Variants in CUL3 observed in about 807,000 individuals in gnomAD.
CUL3 encodes the protein cullin 3.
A neutral mutation model predicts 89.1 loss-of-function variants in CUL3; 19 were observed. The ratio of observed to expected loss-of-function variants is 0.21; its 90% CI spans 0.15 to 0.31. The LOEUF is 0.31. CUL3 is among the 10% of genes least tolerant of loss of function. The pLI is 1.00. For missense variants in CUL3, 469 were observed against 942.3 expected (o/e 0.50, Z 6.58); for synonymous variants, 351 against 308.4 (o/e 1.14, Z -1.45).
intron 1 of CUL3, among the ~76,000 whole-genome samples, chr2:224,580,334 G>T (rs1397134819): frequency 3.3e-5 from 5 of 152,184 alleles, no homozygotes; most frequent in Non-Finnish European, 7.3e-5. Context: ...TGCAAATTGT[G>T]CATTAAACTG....
At chr2:224,582,559 GAA>G (rs1398582868) in intron 1 of CUL3, among the ~76,000 whole-genome samples, 1 of 152,266 alleles carries the variant, frequency 6.6e-6, no homozygotes, top group South Asian at 2.1e-4. Flanking sequence ...ATTAACTACT[GAA>G]TACCAAAACT....
intron 13 of CUL3, among the ~76,000 whole-genome samples, chr2:224,494,795 T>C (rs191609015): frequency 3.0e-4 from 46 of 152,220 alleles, no homozygotes; most frequent in Admixed American, 2.7e-3. Flanking sequence ...TTACGAACTA[T>C]TGAAAAAATA....
rs1559252986 is a variant in CUL3, at chr2:224,585,026, C to G, written c.-17G>C. On this transcript the variant is annotated 5_prime_UTR_variant, in exon 1 of 16. Coordinates refer to ENST00000264414, the MANE Select transcript of CUL3 (RefSeq NM_003590.5). ...ATTCGACATGGTGCTCGTCCCCTCC[C>G]CGGCGGCGGCTTCAGGTCGCGCTCC... The G allele has an allele frequency of 6.7e-7, 1 of 1,490,410 alleles. No individual in the cohort carries two copies. The highest frequency in any genetic ancestry group is 1.9e-5 in the Admixed American group (1 of 51,694). The allele number at this position is 1,490,410 out of a possible 1,614,324, so 92.3% of individuals were successfully genotyped here. A position where few individuals can be genotyped will look rare whatever the true frequency, so the allele number is the denominator to read the frequency against.
intron 3 of CUL3, among the ~76,000 whole-genome samples, chr2:224,527,433 G>C (rs575747457): frequency 1.3e-5 from 2 of 151,956 alleles, no homozygotes; most frequent in Non-Finnish European, 2.9e-5. Context: ...AATTCTCCAC[G>C]GTAGCTTTAG....
chr2:224,580,840 A>C (rs1364083963), intron 1 of CUL3, among the ~76,000 whole-genome samples: 24 of 152,032 alleles, frequency 1.6e-4, no homozygotes, highest in Non-Finnish European at 2.9e-5. Flanking sequence ...ATATTTTTTT[A>C]CAAGTTAATT....
chr2:224,554,039 T>C (rs1163790094), intron 2 of CUL3, among the ~76,000 whole-genome samples: 1 of 152,120 alleles, frequency 6.6e-6, no homozygotes, highest in African/African-American at 2.4e-5. Flanking sequence ...AGCCCAAAAC[T>C]TGGTCACCGA....
chr2:224,580,903 A>G (rs1244670849), intron 1 of CUL3, among the ~76,000 whole-genome samples: 1 of 151,284 alleles, frequency 6.6e-6, no homozygotes, highest in African/African-American at 2.4e-5. Context: ...TTTTAAGACA[A>G]GAGTCTTGCT....
intron 5 of CUL3, among the ~76,000 whole-genome samples, chr2:224,512,943 A>G (rs1182919524): frequency 6.6e-6 from 1 of 152,148 alleles, no homozygotes; most frequent in Admixed American, 6.5e-5. Context: ...ACCACCTTAG[A>G]CAGCAAGATC....
chr2:224,516,863 T>G (rs1693072687), intron 3 of CUL3, among the ~76,000 whole-genome samples: 1 of 151,944 alleles, frequency 6.6e-6, no homozygotes, highest in South Asian at 2.1e-4. Flanking sequence ...GCCAGGATGG[T>G]CTCCATCTCC....
chr2:224,571,840 T>C (rs972254456), intron 1 of CUL3, among the ~76,000 whole-genome samples: 3 of 152,226 alleles, frequency 2.0e-5, no homozygotes, highest in East Asian at 1.9e-4. Context: ...GGTGCCTAGA[T>C]TTATGTATAA....
intron 15 of CUL3, among the ~76,000 whole-genome samples, chr2:224,476,408 TA>T (rs1691324884): frequency 6.6e-6 from 1 of 152,136 alleles, no homozygotes; most frequent in South Asian, 2.1e-4. Context: ...AACACAAATT[TA>T]TAGTATTCAA....
At chr2:224,583,893 T>C (rs1434383729) in intron 1 of CUL3, among the ~76,000 whole-genome samples, 1 of 152,224 alleles carries the variant, frequency 6.6e-6, no homozygotes, top group African/African-American at 2.4e-5. Context: ...ATATGAAGTA[T>C]TTATGAATCT....
rs1007365360 is a variant in CUL3, at chr2:224,585,307, T to TGGCGGC, written c.-304_-299dup. 6.8e-5 allele frequency: 27 copies of TGGCGGC among 399,788 alleles called. No individual in the cohort carries two copies. Among genetic ancestry groups the TGGCGGC allele is most frequent in the Non-Finnish European group, 9.6e-5 (22 of 228,208 alleles). The allele number at this position is 399,788 out of a possible 1,614,324, so 24.8% of individuals were successfully genotyped here. Reference sequence around the variant, plus strand: ...CTCCCTTTATCGCGCTCCTCCGCGATGGCGGCGGCGGCGGCGACGGACAAA... The same window carrying TGGCGGC: ...CTCCCTTTATCGCGCTCCTCCGCGATGGCGGCGGCGGCGGCGGCGGCGACGGACAAA... On this transcript the variant is annotated 5_prime_UTR_variant, in exon 1 of 16. Coordinates refer to ENST00000264414, the MANE Select transcript of CUL3 (RefSeq NM_003590.5).
intron 2 of CUL3, among the ~76,000 whole-genome samples, chr2:224,537,487 T>C (rs373106542): frequency 3.3e-5 from 5 of 152,322 alleles, no homozygotes; most frequent in African/African-American, 1.2e-4. Context: ...TCAAGTTAGT[T>C]AATGGAAATA....
chr2:224,520,393 T>TC (rs1693218788), intron 3 of CUL3, among the ~76,000 whole-genome samples: 1 of 152,230 alleles, frequency 6.6e-6, no homozygotes, highest in African/African-American at 2.4e-5. Flanking sequence ...TCTGACTTCA[T>TC]CCATACAGTA....
chr2:224,574,643 G>A (rs925724748), intron 1 of CUL3, among the ~76,000 whole-genome samples: 1 of 152,116 alleles, frequency 6.6e-6, no homozygotes, highest in Non-Finnish European at 1.5e-5. Flanking sequence ...CACCCTCCAG[G>A]CTCCCTGTAA....
chr2:224,496,101 G>C lies in CUL3; in HGVS notation c.1708-135C>G. On this transcript the variant is annotated intron_variant, in intron 12 of 15. Transcript: ENST00000264414. The stretch of plus-strand genomic sequence containing the variant: ...GCTACAGTGCAGTGGCGCAAACACA[G>C]CTCACTGCAGCCTCAACCTCCTGGG... The C allele has an allele frequency of 8.2e-6, 7 of 854,406 alleles. No individual in the cohort carries two copies. The South Asian group carries it at 1.2e-4, about 15-fold the overall frequency. The allele number at this position is 854,406 out of a possible 1,614,324, so 52.9% of individuals were successfully genotyped here.
Position 224,569,089 on chromosome 2 carries a change from TTAATA to T in CUL3, c.67-11238_67-11234del, listed in dbSNP as rs554421226. ...AATTTAAAGGCTCTAACTTTATGTA[TTAATA>T]TATTTTTTAAAAGAGAAGTAACATT... On this transcript the variant is annotated intron_variant, in intron 1 of 15. Coordinates refer to ENST00000264414, the MANE Select transcript of CUL3 (RefSeq NM_003590.5). Among the ~76,000 whole-genome samples the T allele has an allele frequency of 5.3e-3, 812 of 152,288 alleles. 11 individuals are homozygous for T. The highest frequency in any genetic ancestry group is 3.4e-3 in the Middle Eastern group (1 of 294).
intron 2 of CUL3, among the ~76,000 whole-genome samples, chr2:224,551,507 T>A (rs1237873944): frequency 1.5e-5 from 2 of 136,738 alleles, no homozygotes; most frequent in Admixed American, 7.1e-5. Flanking sequence ...GCCTGGTCAA[T>A]TTTTTTTTTT....
Sources: allele counts gnomAD v4.1 joint callset (sites outside exome capture counted in the v4.1 genomes callset), GRCh38; gene constraint gnomAD v4.1.1; transcripts MANE v1.5; gene names NCBI Gene and HGNC (gene_info 2026-07-23, HGNC 2026-07-21).